The following GRM8 variants were observed in gnomAD, a reference collection of about 807,000 sequenced individuals.
The protein encoded by GRM8 is glutamate metabotropic receptor 8, also known as metabotropic glutamate receptor 8.
In GRM8, 47 loss-of-function variants were observed where a neutral mutation model predicts 87.2. The observed-to-expected ratio is 0.54, with a 90% CI of 0.43 to 0.69. The LOEUF (loss-of-function observed/expected upper bound fraction) is 0.69. Ranked by LOEUF, GRM8 falls within the 30% of genes least tolerant of loss-of-function variation. The probability of loss-of-function intolerance (pLI) is 0.00; values close to 1 mark genes in which losing one functional copy is unlikely to be tolerated. For synonymous variants in GRM8, 396 were observed against 404.5 expected (o/e 0.98, Z 0.25); for missense variants, 1,019 against 1,139.2 (o/e 0.89, Z 1.52).
chr7:126,966,352 C>A (rs1402301945), intron 3 of GRM8, among the ~76,000 whole-genome samples: 1 of 152,122 alleles, frequency 6.6e-6, no homozygotes, highest in Non-Finnish European at 1.5e-5. Flanking sequence ...CCAGGCTGGT[C>A]TAGAACTCAT....
At chr7:127,174,925 A>T (rs368126588) in intron 2 of GRM8, among the ~76,000 whole-genome samples, 1 of 152,276 alleles carries the variant, frequency 6.6e-6, no homozygotes, top group East Asian at 1.9e-4. Context: ...CACTTATGGG[A>T]ACAGCTTATG....
At chr7:127,133,811 G>T (rs1322315549) in intron 2 of GRM8, among the ~76,000 whole-genome samples, 1 of 151,230 alleles carries the variant, frequency 6.6e-6, no homozygotes, top group Non-Finnish European at 1.5e-5. Context: ...TAATGTGTAT[G>T]CTACTGAATG....
chr7:127,247,098 A>G (rs1227425096), intron 1 of GRM8, among the ~76,000 whole-genome samples: 1 of 152,238 alleles, frequency 6.6e-6, no homozygotes, highest in Middle Eastern at 3.2e-3. Flanking sequence ...CTCTGGAAGA[A>G]CACTAACATA....
At chr7:126,910,530 T>C (rs1803174407) in intron 3 of GRM8, among the ~76,000 whole-genome samples, 1 of 152,148 alleles carries the variant, frequency 6.6e-6, no homozygotes, top group South Asian at 2.1e-4. Flanking sequence ...CATGTAAATA[T>C]ATGTTTAAAA....
At chr7:126,792,312 T>C (rs548306351) in intron 6 of GRM8, among the ~76,000 whole-genome samples, 27 of 152,222 alleles carry the variant, frequency 1.8e-4, no homozygotes, top group Non-Finnish European at 2.9e-4. Flanking sequence ...CAAAGCAGTA[T>C]TTAAACCAAA....
At chr7:127,025,379 T>A (rs1459517949) in intron 3 of GRM8, among the ~76,000 whole-genome samples, 1 of 152,076 alleles carries the variant, frequency 6.6e-6, no homozygotes, top group Non-Finnish European at 1.5e-5. Flanking sequence ...AAAAGCTGCA[T>A]GAAGGAAGAG....
chr7:127,215,508 T>C (rs1796473528), intron 2 of GRM8, among the ~76,000 whole-genome samples: 1 of 152,122 alleles, frequency 6.6e-6, no homozygotes, highest in Non-Finnish European at 1.5e-5. Context: ...TACTCATCCC[T>C]GTTGTATGGC....
At chr7:126,686,258 C>T (rs562031645) in intron 7 of GRM8, among the ~76,000 whole-genome samples, 1 of 152,104 alleles carries the variant, frequency 6.6e-6, no homozygotes, top group South Asian at 2.1e-4. Context: ...TTGTCTTGCT[C>T]ACGCTCCACT....
At chr7:126,791,907 G>C (rs1186760406) in intron 6 of GRM8, among the ~76,000 whole-genome samples, 1 of 152,190 alleles carries the variant, frequency 6.6e-6, no homozygotes, top group Non-Finnish European at 1.5e-5. Context: ...AGGCACACCT[G>C]AGCACTCTGT....
intron 7 of GRM8, among the ~76,000 whole-genome samples, chr7:126,681,908 T>C (rs1480235808): frequency 6.6e-6 from 1 of 152,232 alleles, no homozygotes; most frequent in Non-Finnish European, 1.5e-5. Context: ...GTATTTATTA[T>C]TTACGGTTAA....
intron 6 of GRM8, among the ~76,000 whole-genome samples, chr7:126,824,628 A>G (rs1311054193): frequency 2.6e-5 from 4 of 152,142 alleles, no homozygotes; most frequent in Non-Finnish European, 4.4e-5. Flanking sequence ...TTATCTTTCT[A>G]TTTGTCAGGT....
intron 3 of GRM8, among the ~76,000 whole-genome samples, chr7:126,992,241 T>C (rs1258688373): frequency 1.3e-5 from 2 of 152,196 alleles, no homozygotes; most frequent in Non-Finnish European, 2.9e-5. Context: ...TCATTGCTCT[T>C]ATTGAACATT....
At chr7:126,963,366 T>C (rs778403138) in intron 3 of GRM8, among the ~76,000 whole-genome samples, 1 of 152,212 alleles carries the variant, frequency 6.6e-6, no homozygotes, top group Non-Finnish European at 1.5e-5. Flanking sequence ...CAATTGAATC[T>C]GAATTATTTT....
chr7:126,593,228 T>A (rs1324429359), intron 8 of GRM8, among the ~76,000 whole-genome samples: 1 of 151,980 alleles, frequency 6.6e-6, no homozygotes, highest in Non-Finnish European at 1.5e-5. Flanking sequence ...AAAATGCAAG[T>A]GCCATTCTTC....
At chr7:126,853,035 T>C (rs1797358263) in intron 6 of GRM8, among the ~76,000 whole-genome samples, 1 of 152,158 alleles carries the variant, frequency 6.6e-6, no homozygotes, top group African/African-American at 2.4e-5. Flanking sequence ...GAGAAAACAA[T>C]TTTGTGATGG....
chr7:127,145,914 C>A (rs1315955625), intron 2 of GRM8, among the ~76,000 whole-genome samples: 3 of 151,920 alleles, frequency 2.0e-5, no homozygotes, highest in African/African-American at 7.3e-5. Context: ...ATCTGGCAAC[C>A]CTACTTTTAA....
chr7:126,749,454 A>G (rs886359034), intron 7 of GRM8, among the ~76,000 whole-genome samples: 6 of 151,874 alleles, frequency 4.0e-5, no homozygotes, highest in South Asian at 2.1e-4. Context: ...AAGTTGACAA[A>G]TTAGCCTTCA....
rs115510355 is a variant in GRM8 at position 127,035,656 on chromosome 7, T to C, written c.727+70840A>G. On this transcript the variant is annotated intron_variant, in intron 3 of 10. Transcript: ENST00000339582. The stretch of plus-strand genomic sequence containing the variant: ...GATGAGCATCAGACTCCACATAGTG[T>C]GAGAAATCAGTCAATGGTGTGGCAA... 4.8e-3 allele frequency among the ~76,000 whole-genome samples: 724 copies of C among 152,308 alleles called. 5 individuals carry two copies. The highest frequency in any genetic ancestry group is 0.017 in the African/African-American group (694 of 41,576).
At chr7:127,019,352 G>T (rs1816025250) in intron 3 of GRM8, among the ~76,000 whole-genome samples, 1 of 151,998 alleles carries the variant, frequency 6.6e-6, no homozygotes, top group African/African-American at 2.4e-5. Context: ...GACCATCTGA[G>T]AAGGTAATGG....
Sources: allele counts gnomAD v4.1 joint callset (sites outside exome capture counted in the v4.1 genomes callset), GRCh38; gene constraint gnomAD v4.1.1; transcripts MANE v1.5; gene names NCBI Gene and HGNC (gene_info 2026-07-23, HGNC 2026-07-21).